Variants in GRID1 observed in about 807,000 individuals in gnomAD.
GRID1 encodes glutamate receptor ionotropic, delta-1.
A neutral mutation model predicts 98.0 loss-of-function variants in GRID1; 28 were observed. The observed-to-expected ratio is 0.29, with a 90% CI of 0.21 to 0.39. The LOEUF (loss-of-function observed/expected upper bound fraction) is 0.39. Among genes scored for constraint, GRID1 ranks in the 10% least tolerant of loss-of-function variants. The probability of loss-of-function intolerance (pLI) is 1.00; values close to 1 mark genes in which losing one functional copy is unlikely to be tolerated. For synonymous variants in GRID1, 553 were observed against 538.5 expected, an observed-to-expected ratio of 1.03 and a Z score of -0.37; for missense variants, 1,111 against 1,340.5, an observed-to-expected ratio of 0.83 and a Z score of 2.67.
intron 2 of GRID1, among the ~76,000 whole-genome samples, chr10:86,280,690 C>T (rs1847345744): frequency 6.6e-6 from 1 of 152,128 alleles, no homozygotes; most frequent in Admixed American, 6.6e-5. Context: ...CATGACCTGG[C>T]CCCCTACCTA....
chr10:86,103,684 G>A (rs1266061406), intron 4 of GRID1, among the ~76,000 whole-genome samples: 1 of 152,202 alleles, frequency 6.6e-6, no homozygotes, highest in Non-Finnish European at 1.5e-5. Flanking sequence ...TCCAGCCATG[G>A]CTCTTAAACG....
intron 4 of GRID1, among the ~76,000 whole-genome samples, chr10:86,101,355 G>T (rs1351135816): frequency 6.6e-6 from 1 of 152,222 alleles, no homozygotes; most frequent in Non-Finnish European, 1.5e-5. Context: ...AACTTAGACA[G>T]TAATGTAACC....
intron 2 of GRID1, among the ~76,000 whole-genome samples, chr10:86,247,372 G>A (rs187931404): frequency 5.8e-4 from 88 of 152,154 alleles, no homozygotes; most frequent in East Asian, 4.1e-3. Context: ...TGGACAGATG[G>A]ATGGATGGAT....
chr10:85,811,314 G>A (rs575157089), intron 8 of GRID1, among the ~76,000 whole-genome samples: 4 of 152,144 alleles, frequency 2.6e-5, no homozygotes, highest in African/African-American at 4.8e-5. Context: ...TCAATGTAAG[G>A]ACACAGCAAA....
intron 2 of GRID1, among the ~76,000 whole-genome samples, chr10:86,304,239 C>G (rs1847729331): frequency 1.3e-5 from 2 of 152,182 alleles, no homozygotes; most frequent in African/African-American, 4.8e-5. Flanking sequence ...CCTGGGAAGC[C>G]CAGAAGCTGT....
intron 8 of GRID1, among the ~76,000 whole-genome samples, chr10:85,751,491 C>T (rs1321605163): frequency 6.6e-6 from 1 of 152,136 alleles, no homozygotes; most frequent in Non-Finnish European, 1.5e-5. Flanking sequence ...CTCATCACAT[C>T]AATGGGTCCA....
intron 13 of GRID1, among the ~76,000 whole-genome samples, chr10:85,637,423 G>T (rs1489919224): frequency 1.3e-5 from 2 of 152,190 alleles, no homozygotes; most frequent in African/African-American, 2.4e-5. Flanking sequence ...TGTGAAAAAG[G>T]TTTAGGCACA....
chr10:85,782,771 C>T (rs1304872962), intron 8 of GRID1, among the ~76,000 whole-genome samples: 2 of 152,192 alleles, frequency 1.3e-5, no homozygotes, highest in Non-Finnish European at 2.9e-5. Context: ...AGGGATGTCA[C>T]AGGGGACTGG....
chr10:85,732,843 A>G (rs1390830056), intron 8 of GRID1, among the ~76,000 whole-genome samples: 1 of 152,140 alleles, frequency 6.6e-6, no homozygotes, highest in Admixed American at 6.6e-5. Flanking sequence ...CCTGACTCTC[A>G]ACCTCACTTT....
chr10:86,234,860 G>A (rs1474860438), intron 2 of GRID1, among the ~76,000 whole-genome samples: 8 of 152,188 alleles, frequency 5.3e-5, no homozygotes, highest in Non-Finnish European at 1.2e-4. Flanking sequence ...TCCTTAATGA[G>A]CCGAGATGCA....
chr10:86,044,465 G>C (rs537719393), intron 4 of GRID1, among the ~76,000 whole-genome samples: 4 of 152,276 alleles, frequency 2.6e-5, no homozygotes, highest in African/African-American at 9.6e-5. Context: ...GAAGATACCC[G>C]ATTTGCTTAG....
At chr10:85,664,280 G>T (rs116759079) in intron 12 of GRID1, among the ~76,000 whole-genome samples, 2,379 of 152,098 alleles carry the variant, frequency 0.016, 64 homozygotes, top group African/African-American at 0.053. Flanking sequence ...CCCATGAAGG[G>T]CAAGTATGAG....
At chr10:86,289,523 A>C (rs1847482202) in intron 2 of GRID1, among the ~76,000 whole-genome samples, 1 of 150,556 alleles carries the variant, frequency 6.6e-6, no homozygotes, top group Non-Finnish European at 1.5e-5. Flanking sequence ...CCATGCCCCC[A>C]ACTGCCCCGT....
chr10:86,267,360 G>T (rs974952164), intron 2 of GRID1, among the ~76,000 whole-genome samples: 3 of 152,240 alleles, frequency 2.0e-5, no homozygotes, highest in Non-Finnish European at 4.4e-5. Context: ...AAGGACAACA[G>T]CGGTGATGGC....
chr10:86,202,825 C>T (rs993240914), intron 3 of GRID1, among the ~76,000 whole-genome samples: 1 of 152,158 alleles, frequency 6.6e-6, no homozygotes, highest in African/African-American at 2.4e-5. Flanking sequence ...CAGGCCTTGC[C>T]CCACAAAGGA....
chr10:86,204,420 G>A (rs1487784880), intron 3 of GRID1, among the ~76,000 whole-genome samples: 1 of 152,212 alleles, frequency 6.6e-6, no homozygotes, highest in African/African-American at 2.4e-5. Flanking sequence ...ATGAGAGTCA[G>A]GACAAGCCAA....
intron 4 of GRID1, among the ~76,000 whole-genome samples, chr10:86,019,319 C>T (rs886375811): frequency 6.6e-6 from 1 of 152,226 alleles, no homozygotes; most frequent in East Asian, 1.9e-4. Context: ...AGGCATGTGC[C>T]CCCTTGGTAT....
At chr10:86,262,564 C>A (rs184730380) in intron 2 of GRID1, among the ~76,000 whole-genome samples, 5 of 152,196 alleles carry the variant, frequency 3.3e-5, no homozygotes, top group Non-Finnish European at 5.9e-5. Flanking sequence ...AGGAAGGGAA[C>A]GTGGCTCCAC....
intron 2 of GRID1, among the ~76,000 whole-genome samples, chr10:86,271,242 C>A (rs1224874877): frequency 6.6e-6 from 1 of 152,230 alleles, no homozygotes; most frequent in Admixed American, 6.5e-5. Flanking sequence ...AAAGGTCCTG[C>A]CTCAGTAGTA....
Sources: gnomAD v4.1 joint callset for allele counts (sites outside exome capture counted in the v4.1 genomes callset) on GRCh38, gnomAD v4.1.1 for gene constraint, MANE v1.5 for transcripts, NCBI Gene and HGNC (gene_info 2026-07-23, HGNC 2026-07-21) for gene names.